GOLIM4: variants seen among roughly 807,000 people sequenced by gnomAD.
GOLIM4 encodes the protein golgi integral membrane protein 4.
Under a neutral mutation model 107.4 loss-of-function variants are expected in GOLIM4, and 71 were observed. That is an observed-to-expected ratio of 0.66 (90% CI 0.55 to 0.81). The LOEUF (loss-of-function observed/expected upper bound fraction) is 0.81. Ranked by LOEUF, GOLIM4 falls within the 30% of genes least tolerant of loss-of-function variation. GOLIM4 has a pLI of 0.00. For missense variants in GOLIM4, 830 were observed against 826.1 expected (o/e 1.00, Z -0.06); for synonymous variants, 327 against 294.8 (o/e 1.11, Z -1.12).
intron 1 of GOLIM4, among the ~76,000 whole-genome samples, chr3:168,054,370 C>T (rs993958856): frequency 2.0e-5 from 3 of 152,126 alleles, no homozygotes; most frequent in Non-Finnish European, 4.4e-5. Flanking sequence ...CTTGAACATG[C>T]CAGGCACACT....
chr3:168,012,649 G>A (rs958606374), intron 14 of GOLIM4, among the ~76,000 whole-genome samples: 5 of 150,136 alleles, frequency 3.3e-5, no homozygotes, highest in African/African-American at 1.0e-4. Flanking sequence ...GAAAGGTCGG[G>A]TTACCCTCAA....
rs1432635824 is a variant in GOLIM4, at chr3:168,008,710, A to G, written c.*1559T>C. 6.6e-6 allele frequency: 1 copy of G among 152,052 alleles called. No homozygotes were observed. The highest frequency in any genetic ancestry group is 1.5e-5 in the Non-Finnish European group (1 of 68,008). The allele number at this position is 152,052 out of a possible 1,614,324, so 9.4% of individuals were successfully genotyped here. On this transcript the variant is annotated 3_prime_UTR_variant, in exon 16 of 16. Coordinates refer to ENST00000470487, the MANE Select transcript of GOLIM4 (RefSeq NM_014498.5). ...CCACTTTTTTTTTTTAGCTTTATTG[A>G]CTATTACCAACTTTCAGTATGGTTC... is the stretch of plus-strand genomic sequence containing the variant.
At chr3:168,088,361 T>C (rs1397167216) in intron 1 of GOLIM4, among the ~76,000 whole-genome samples, 2 of 152,124 alleles carry the variant, frequency 1.3e-5, no homozygotes, top group East Asian at 1.9e-4. Context: ...CCAATGTTAA[T>C]TCAACAACAG....
intron 1 of GOLIM4, among the ~76,000 whole-genome samples, chr3:168,070,390 C>T (rs1041684311): frequency 6.6e-6 from 1 of 152,224 alleles, no homozygotes; most frequent in Non-Finnish European, 1.5e-5. Context: ...GAGACTCCGT[C>T]TCAAAAACAA....
chr3:168,086,665 A>T (rs1721644093), intron 1 of GOLIM4, among the ~76,000 whole-genome samples: 2 of 152,222 alleles, frequency 1.3e-5, no homozygotes, highest in South Asian at 4.1e-4. Context: ...AGTATTTTTT[A>T]AAATGTCATA....
At chr3:168,090,760 G>C (rs1298870231) in intron 1 of GOLIM4, among the ~76,000 whole-genome samples, 1 of 152,108 alleles carries the variant, frequency 6.6e-6, no homozygotes, top group African/African-American at 2.4e-5. Context: ...CAAAGATATG[G>C]AATCAACCTA....
rs1295209700 is a variant in GOLIM4, at chr3:168,024,519, T to G, written c.1860+7A>C. 1 of 1,595,072 alleles carries G rather than the reference T, an allele frequency of 6.3e-7. No homozygotes were observed. The highest frequency in any genetic ancestry group is 1.1e-5 in the South Asian group (1 of 90,716). On this transcript the variant is annotated splice_region_variant and intron_variant, in intron 14 of 15. Coordinates refer to ENST00000470487, the MANE Select transcript of GOLIM4 (RefSeq NM_014498.5). ...CTGATCAGTCTCTGGGATTCAATCC[T>G]TACTACCTCCTCTTCTGCCTCTTCC...
intron 1 of GOLIM4, among the ~76,000 whole-genome samples, chr3:168,078,394 T>C (rs1372306068): frequency 2.6e-5 from 4 of 152,314 alleles, no homozygotes; most frequent in African/African-American, 9.6e-5. Context: ...TTATCTATAA[T>C]AAAGCAAGAC....
intron 6 of GOLIM4, chr3:168,041,091 G>A (rs1435522505): frequency 1.2e-5 from 6 of 497,814 alleles, no homozygotes; most frequent in South Asian, 3.6e-5. Flanking sequence ...TATTTACAAT[G>A]AAATCAAAAC....
rs1444142943 is a variant in GOLIM4, at chr3:168,029,244, C to T, written c.1492G>A (p.Gly498Arg). 2 of 1,608,672 alleles carry T rather than the reference C, an allele frequency of 1.2e-6. No individual in the cohort carries two copies. Among genetic ancestry groups the T allele is most frequent in the African/African-American group, 2.7e-5 (2 of 74,804 alleles). Residue 498 changes from glycine to arginine, a missense_variant, in exon 11 of 16, where the codon GGA becomes AGA. Coordinates refer to ENST00000470487, the MANE Select transcript of GOLIM4 (RefSeq NM_014498.5). ...CCACCTCCTTCCTCTCCTTGGATTC[C>T]CTGGTCCTCTGCTCCCTGAACGATA... Reference protein sequence around the residue: ...NDIVQGAEDQGIQGEEGAYER... With the variant: ...NDIVQGAEDQRIQGEEGAYER...
chr3:168,012,965 G>A (rs1289404772), intron 14 of GOLIM4, among the ~76,000 whole-genome samples: 2 of 149,664 alleles, frequency 1.3e-5, no homozygotes, highest in Admixed American at 1.3e-4. Flanking sequence ...TCAAGACTAG[G>A]AAGAAACTGC....
At chr3:168,090,454 T>A (rs1314073477) in intron 1 of GOLIM4, among the ~76,000 whole-genome samples, 1 of 152,082 alleles carries the variant, frequency 6.6e-6, no homozygotes, top group Admixed American at 6.6e-5. Flanking sequence ...AAATGCAAGT[T>A]AAAATCACAG....
At chr3:168,068,837 A>AT (rs200437702) in intron 1 of GOLIM4, among the ~76,000 whole-genome samples, 156 of 146,190 alleles carry the variant, frequency 1.1e-3, no homozygotes, top group East Asian at 7.5e-3. Context: ...ATTTTATTTT[A>AT]TTTTTTTTTT....
At position 168,038,869 on chromosome 3, in the gene GOLIM4, C is replaced by T. The variant is rs572951832; in HGVS notation, c.685-1875G>A. ...CAGGGCCTTTGGGAGGTAATTAGGT[C>T]GTAAGGGTGAAGCCCTACAGAATGG... On this transcript the variant is annotated intron_variant, in intron 7 of 15. Transcript: ENST00000470487. 9.9e-5 allele frequency among the ~76,000 whole-genome samples: 15 copies of T among 152,222 alleles called. No individual in the cohort carries two copies. The South Asian group carries it at 3.1e-3, about 32-fold the overall frequency.
intron 14 of GOLIM4, among the ~76,000 whole-genome samples, chr3:168,017,386 G>A (rs1487464603): frequency 3.9e-5 from 6 of 152,268 alleles, no homozygotes; most frequent in Admixed American, 3.3e-4. Context: ...AGCTACTCGG[G>A]AGGCTGAGGC....
At chr3:168,047,519 A>G (rs1004423861) in intron 2 of GOLIM4, among the ~76,000 whole-genome samples, 1 of 152,222 alleles carries the variant, frequency 6.6e-6, no homozygotes, top group Non-Finnish European at 1.5e-5. Context: ...CTGAACTTCT[A>G]TTCTTCACAC....
chr3:168,057,246 T>TTAC (rs1720029536), intron 1 of GOLIM4, among the ~76,000 whole-genome samples: 2 of 152,206 alleles, frequency 1.3e-5, no homozygotes, highest in Non-Finnish European at 2.9e-5. Context: ...GAACTGTAAG[T>TTAC]CCAATAAACC....
rs1203349770 is a variant in GOLIM4, at chr3:168,025,183, A to AC, written c.1624-89_1624-88insG. The AC allele has an allele frequency of 1.1e-5, 11 of 1,027,286 alleles. No individual in the cohort carries two copies. The African/African-American group carries it at 1.6e-4, about 15-fold the overall frequency. The allele number at this position is 1,027,286 out of a possible 1,614,324, so 63.6% of individuals were successfully genotyped here. The stretch of plus-strand genomic sequence containing the variant: ...TGAAAAGGCTGCCCACTGGCAGAAA[A>AC]TGAAATTGTCCTTCCCTCAATTGTT... On this transcript the variant is annotated intron_variant, in intron 12 of 15. Transcript: ENST00000470487.
intron 15 of GOLIM4, 50 bp downstream of exon 15, chr3:168,010,693 A>T: frequency 7.7e-7 from 1 of 1,290,760 alleles, no homozygotes; most frequent in Non-Finnish European, 1.1e-6. Context: ...ATACACATGC[A>T]CACCCACAAA....
Sources: allele counts gnomAD v4.1 joint callset (sites outside exome capture counted in the v4.1 genomes callset), GRCh38; gene constraint gnomAD v4.1.1; transcripts MANE v1.5; gene names NCBI Gene and HGNC (gene_info 2026-07-23, HGNC 2026-07-21).